Variants in SYNE1 observed in about 807,000 individuals in gnomAD.
The protein encoded by SYNE1 is nesprin-1.
A neutral mutation model predicts 1,111.0 loss-of-function variants in SYNE1; 616 were observed. The observed-to-expected ratio is 0.55, with a 90% confidence interval of 0.52 to 0.59. SYNE1 has a LOEUF of 0.59. Among genes scored for constraint, SYNE1 ranks in the 20% least tolerant of loss-of-function variants. SYNE1 has a pLI of 0.00. For missense variants in SYNE1, 10,006 were observed against 10,417.0 expected (o/e 0.96, Z 1.72); for synonymous variants, 3,855 against 3,825.8 (o/e 1.01, Z -0.28).
At position 152,318,976 on chromosome 6, in the gene SYNE1, T is replaced by C. The variant is rs1447155819; in HGVS notation, c.16276A>G (p.Thr5426Ala). 6.2e-7 allele frequency: 1 copy of C among 1,614,242 alleles called. No homozygotes were observed. Among genetic ancestry groups the C allele is most frequent in the East Asian group, 2.2e-5 (1 of 44,894 alleles). Residue 5426 changes from threonine to alanine, a missense_variant, in exon 85 of 146, where the codon ACG becomes GCG. Coordinates refer to ENST00000367255, the MANE Select transcript of SYNE1 (RefSeq NM_182961.4). ...ATTTGCCGGCTGAGTTCCTGGCTCG[T>C]GGCCTTGCTCTGCTCAACTTCTTTT... ...KIKEVEQSKA[T>A]SQELSRQIQK...
intron 97 of SYNE1, among the ~76,000 whole-genome samples, chr6:152,279,708 C>A (rs1277003203): frequency 9.8e-5 from 14 of 142,254 alleles, no homozygotes; most frequent in African/African-American, 3.7e-4. Context: ...CAAAGTGAGA[C>A]CTTGTCTCAA....
At chr6:152,441,391 CA>C in intron 31 of SYNE1, 121 bp from the exon 32 acceptor site, 1 of 1,036,208 alleles carries the variant, frequency 9.7e-7, no homozygotes, top group Admixed American at 2.1e-5. Flanking sequence ...CACACAGTCA[CA>C]ATGAATAGAG....
chr6:152,178,042 TA>T (rs1218141083), intron 129 of SYNE1, among the ~76,000 whole-genome samples: 7 of 151,084 alleles, frequency 4.6e-5, no homozygotes, highest in Admixed American at 1.3e-4. Context: ...AAAAGCCCTT[TA>T]AAAAAAAACC....
intron 3 of SYNE1, among the ~76,000 whole-genome samples, chr6:152,550,043 G>A (rs544119385): frequency 9.3e-4 from 141 of 152,264 alleles, no homozygotes; most frequent in Non-Finnish European, 1.5e-3. Flanking sequence ...GTGGTCTTGT[G>A]CATTATAGGA....
chr6:152,270,070 C>T (rs1316382442), intron 98 of SYNE1, among the ~76,000 whole-genome samples: 2 of 152,296 alleles, frequency 1.3e-5, no homozygotes, highest in East Asian at 3.9e-4. Context: ...CAGGAAGCCT[C>T]ATCCCTGATA....
Position 152,372,947 on chromosome 6 carries a change from G to C in SYNE1, c.9507+90C>G. The C allele has an allele frequency of 2.2e-6, 3 of 1,391,784 alleles. No homozygotes were observed. The East Asian group carries it at 6.8e-5, about 32-fold the overall frequency. The allele number at this position is 1,391,784 out of a possible 1,614,324, so 86.2% of individuals were successfully genotyped here. A position where few individuals can be genotyped will look rare whatever the true frequency, so the allele number is the denominator to read the frequency against. On this transcript the variant is annotated intron_variant, in intron 59 of 145. Transcript: ENST00000367255. Reference sequence around the variant, plus strand: ...GGGGTAACCAAAATCATTGACAAGGGGGCTTTGATATACAGAAACTGTGAT... The same window carrying C: ...GGGGTAACCAAAATCATTGACAAGGCGGCTTTGATATACAGAAACTGTGAT...
chr6:152,231,900 T>G (rs1457029470), intron 113 of SYNE1, among the ~76,000 whole-genome samples: 1 of 152,096 alleles, frequency 6.6e-6, no homozygotes, highest in Admixed American at 6.5e-5. Flanking sequence ...TGTAATTCTT[T>G]AATAACACAA....
rs1002969659 is a variant in SYNE1 at position 152,455,966 on chromosome 6, C to T, written c.2647G>A (p.Val883Met). 3 of 1,614,124 alleles carry T rather than the reference C, an allele frequency of 1.9e-6. No homozygotes were observed. Among genetic ancestry groups the T allele is most frequent in the Non-Finnish European group, 1.7e-6 (2 of 1,179,998 alleles). ...TGCTTTAACACGTTGCTCAAGGTCACAAACTTTTGAACACTTTGACTGCCT... is the reference window on the plus strand; with the variant it reads ...TGCTTTAACACGTTGCTCAAGGTCATAAACTTTTGAACACTTTGACTGCCT... ...EKGSQSVQKF[V>M]TLSNVLKHFD... The change falls in exon 23 of 146, where the codon GTG becomes ATG. Residue 883 changes from valine to methionine, a missense_variant. Val to Met is a conservative substitution (Grantham distance 21, BLOSUM62 1). This residue lies in a region of SYNE1 where 1,971 missense variants were observed against 2,084.1 expected (regional missense o/e 0.95). Coordinates refer to ENST00000367255, the MANE Select transcript of SYNE1 (RefSeq NM_182961.4).
chr6:152,316,717 G>A, intron 87 of SYNE1, 132 bp downstream of exon 87: 1 of 964,300 alleles, frequency 1.0e-6, no homozygotes, highest in Non-Finnish European at 1.6e-6. Context: ...CAACTTAGGG[G>A]TACCTTAGCA....
intron 117 of SYNE1, among the ~76,000 whole-genome samples, chr6:152,222,541 T>G (rs1433718401): frequency 1.3e-5 from 2 of 152,240 alleles, no homozygotes; most frequent in Admixed American, 6.5e-5. Flanking sequence ...AAAATGATTT[T>G]CAATTGACAA....
intron 32 of SYNE1, among the ~76,000 whole-genome samples, chr6:152,436,734 A>G (rs1301676282): frequency 6.6e-6 from 1 of 152,168 alleles, no homozygotes; most frequent in Non-Finnish European, 1.5e-5. Flanking sequence ...ATAATAATTA[A>G]TTTATTCACA....
intron 100 of SYNE1, among the ~76,000 whole-genome samples, chr6:152,265,956 T>TTA (rs975978262): frequency 3.3e-5 from 5 of 151,928 alleles, no homozygotes; most frequent in African/African-American, 9.7e-5. Flanking sequence ...CTAGCAAGGT[T>TTA]TATATATATA....
intron 81 of SYNE1, among the ~76,000 whole-genome samples, chr6:152,324,418 A>C (rs1483711486): frequency 2.0e-5 from 3 of 151,538 alleles, no homozygotes; most frequent in African/African-American, 7.3e-5. Context: ...TGAATATACA[A>C]TTTGGGTAAT....
At chr6:152,237,581 C>T (rs1221179419) in intron 108 of SYNE1, among the ~76,000 whole-genome samples, 2 of 152,120 alleles carry the variant, frequency 1.3e-5, no homozygotes, top group African/African-American at 4.8e-5. Context: ...TCCCAAAGTG[C>T]TGGGATTACA....
intron 96 of SYNE1, 88 bp downstream of exon 96, chr6:152,283,890 G>T: frequency 8.9e-7 from 1 of 1,119,108 alleles, no homozygotes; most frequent in Non-Finnish European, 1.4e-6. Context: ...CAATGAAAAT[G>T]TAAATACGTA....
At chr6:152,459,070 T>C (rs1245802811) in intron 21 of SYNE1, 140 bp from the exon 22 acceptor site, 2 of 803,862 alleles carry the variant, frequency 2.5e-6, no homozygotes, top group Admixed American at 2.2e-5. Context: ...ATTTCTTTAA[T>C]GATATTTCCT....
At chr6:152,393,451 A>G (rs2097679442) in intron 51 of SYNE1, among the ~76,000 whole-genome samples, 1 of 152,032 alleles carries the variant, frequency 6.6e-6, no homozygotes, top group Admixed American at 6.6e-5. Context: ...TCAGAAAGTT[A>G]TATGGTTGCA....
Position 152,252,136 on chromosome 6 carries a change from G to A in SYNE1, c.19470+2744C>T, listed in dbSNP as rs1263374761. Among the ~76,000 whole-genome samples, 5 of 152,126 alleles carry A rather than the reference G, an allele frequency of 3.3e-5. No homozygotes were observed. The East Asian group carries it at 9.7e-4, about 29-fold the overall frequency. Reference sequence around the variant, plus strand: ...AAAAATACAAAAATTAGCTGGGCATGGCGTGCATGCCTGTAGTTCTAGCTA... The same window carrying A: ...AAAAATACAAAAATTAGCTGGGCATAGCGTGCATGCCTGTAGTTCTAGCTA... On this transcript the variant is annotated intron_variant, in intron 104 of 145. Transcript: ENST00000367255.
intron 16 of SYNE1, among the ~76,000 whole-genome samples, chr6:152,469,179 T>G (rs1264654513): frequency 1.3e-5 from 2 of 152,176 alleles, no homozygotes; most frequent in East Asian, 3.8e-4. Context: ...GTTTTCAGCC[T>G]CTTTGAAATA....
Sources: allele counts gnomAD v4.1 joint callset (sites outside exome capture counted in the v4.1 genomes callset), GRCh38; gene constraint gnomAD v4.1.1; regional missense constraint gnomAD v4.1.1; transcripts MANE v1.5; gene names NCBI Gene and HGNC (gene_info 2026-07-23, HGNC 2026-07-21).